Variants in MFSD6 observed in about 807,000 individuals in gnomAD.
MFSD6 encodes the protein major facilitator superfamily domain containing 6, also known as major facilitator superfamily domain-containing protein 6.
A neutral mutation model predicts 56.3 loss-of-function variants in MFSD6; 26 were observed. That is an observed-to-expected ratio of 0.46 (90% CI 0.34 to 0.64). The LOEUF (loss-of-function observed/expected upper bound fraction) is 0.64, where lower values mean the gene tolerates loss of function less well. MFSD6 is among the 30% of genes least tolerant of loss of function. The pLI, the probability that MFSD6 is intolerant of heterozygous loss-of-function variation, is 0.01. For missense variants in MFSD6, 750 were observed against 986.2 expected (o/e 0.76, Z 3.21); for synonymous variants, 331 against 366.9 (o/e 0.90, Z 1.12).
At chr2:190,421,444 A>G (rs1685609798) in intron 2 of MFSD6, among the ~76,000 whole-genome samples, 3 of 152,196 alleles carry the variant, frequency 2.0e-5, no homozygotes, top group South Asian at 4.1e-4. Flanking sequence ...TTTTATTTTT[A>G]AAGTGAGAGT....
intron 3 of MFSD6, among the ~76,000 whole-genome samples, chr2:190,460,754 C>G (rs1687286716): frequency 6.6e-6 from 1 of 152,184 alleles, no homozygotes; most frequent in Admixed American, 6.5e-5. Flanking sequence ...AATATCAAGA[C>G]ACAGAGACAG....
chr2:190,486,760 G>A (rs954900365), intron 4 of MFSD6, among the ~76,000 whole-genome samples: 1 of 152,174 alleles, frequency 6.6e-6, no homozygotes, highest in Non-Finnish European at 1.5e-5. Flanking sequence ...CGAGTTAAGA[G>A]TCTCTGATGA....
chr2:190,430,805 C>G (rs1459155961), intron 2 of MFSD6, among the ~76,000 whole-genome samples: 2 of 146,618 alleles, frequency 1.4e-5, no homozygotes, highest in Admixed American at 1.3e-4. Flanking sequence ...GGCGCCCCCC[C>G]CACCTCCCTC....
intron 3 of MFSD6, chr2:190,444,784 G>T (rs1325237710): frequency 9.3e-6 from 3 of 324,100 alleles, no homozygotes; most frequent in Non-Finnish European, 1.3e-5. Context: ...GAGTATTAGG[G>T]TGCTAAAACC....
chr2:190,474,745 C>T (rs1405427321), intron 4 of MFSD6, among the ~76,000 whole-genome samples: 4 of 152,198 alleles, frequency 2.6e-5, no homozygotes, highest in South Asian at 2.1e-4. Context: ...ATACCAAAGC[C>T]TGGCACAGAC....
At chr2:190,473,430 T>A (rs556669567) in intron 4 of MFSD6, among the ~76,000 whole-genome samples, 51 of 152,184 alleles carry the variant, frequency 3.4e-4, no homozygotes, top group Non-Finnish European at 6.6e-4. Context: ...AGGCAGGGGT[T>A]GCAATCCTGG....
Position 190,454,748 on chromosome 2 carries a change from A to G in MFSD6, c.1533-15010A>G, listed in dbSNP as rs1367022175. On this transcript the variant is annotated intron_variant, in intron 3 of 7. Transcript: ENST00000392328. This position sits in a 1 kb window ranked among gnomAD's most constrained non-coding sequence, Gnocchi z 4.6. The stretch of plus-strand genomic sequence containing the variant: ...GTCATGGCAGCCCGAGCAAATTAAT[A>G]ATGTGTCTAAATAGAGTAAGGAGAG... 6.6e-6 allele frequency among the ~76,000 whole-genome samples: 1 copy of G among 152,092 alleles called. No individual in the cohort carries two copies. Among genetic ancestry groups the G allele is most frequent in the Admixed American group, 6.5e-5 (1 of 15,268 alleles).
rs947165468 is a variant in MFSD6, at chr2:190,491,258, G to A, written c.1891+1392G>A. On this transcript the variant is annotated intron_variant, in intron 6 of 7. Coordinates refer to ENST00000392328, the MANE Select transcript of MFSD6 (RefSeq NM_017694.4). This position sits in a 1 kb window ranked among gnomAD's most constrained non-coding sequence, Gnocchi z 4.2. ...GAGACTGTTATTGGGAAAATGGCAA[G>A]ATAGGAGGCAGGATTAGGTTGCAGC... Among the ~76,000 whole-genome samples, 3 of 152,198 alleles carry A rather than the reference G, an allele frequency of 2.0e-5. No homozygotes were observed. The highest frequency in any genetic ancestry group is 7.2e-5 in the African/African-American group (3 of 41,438).
In MFSD6 at chr2:190,458,823, T is replaced by A. The variant is rs1246488952; in HGVS notation, c.1533-10935T>A. 6.6e-6 allele frequency among the ~76,000 whole-genome samples: 1 copy of A among 152,166 alleles called. No homozygotes were observed. The highest frequency in any genetic ancestry group is 1.5e-5 in the Non-Finnish European group (1 of 68,024). ...TTTAACCAGGTCTCAGATGACGCGA[T>A]CAGAACCTGCATCTCTCCCTCTATT... On this transcript the variant is annotated intron_variant, in intron 3 of 7. Coordinates refer to ENST00000392328, the MANE Select transcript of MFSD6 (RefSeq NM_017694.4). This position sits in a 1 kb window ranked among gnomAD's most constrained non-coding sequence, Gnocchi z 5.3.
rs1222777037 is a variant in MFSD6 at position 190,462,054 on chromosome 2, T to G, written c.1533-7704T>G. Among the ~76,000 whole-genome samples, 1 of 152,168 alleles carries G rather than the reference T, an allele frequency of 6.6e-6. No homozygotes were observed. The highest frequency in any genetic ancestry group is 1.5e-5 in the Non-Finnish European group (1 of 68,024). On this transcript the variant is annotated intron_variant, in intron 3 of 7. Coordinates refer to ENST00000392328, the MANE Select transcript of MFSD6 (RefSeq NM_017694.4). The surrounding 1 kb of genome is among the most constrained non-coding windows in gnomAD (Gnocchi z 5.7). ...CTCAAAATCTACAGAAATATACTCC[T>G]TAGGCGATGAAGGGCCCTATCATCG... is the stretch of plus-strand genomic sequence containing the variant.
chr2:190,459,566 CATTA>C lies in MFSD6; in HGVS notation c.1533-10189_1533-10186del, dbSNP rs1687214931. On this transcript the variant is annotated intron_variant, in intron 3 of 7. Coordinates refer to ENST00000392328, the MANE Select transcript of MFSD6 (RefSeq NM_017694.4). The surrounding 1 kb of genome is among the most constrained non-coding windows in gnomAD (Gnocchi z 5.3). ...TTGTGTCTTCTAAGTGGTTGGGTTC[CATTA>C]ATCAAGGTTCTCTTTTGTTTTAAAC... Among the ~76,000 whole-genome samples, 2 of 152,100 alleles carry C rather than the reference CATTA, an allele frequency of 1.3e-5. No individual in the cohort carries two copies. The highest frequency in any genetic ancestry group is 4.8e-5 in the African/African-American group (2 of 41,422).
At position 190,434,883 on chromosome 2, in the gene MFSD6, C is replaced by T. The variant is rs529536009; in HGVS notation, c.-53-1094C>T. The stretch of plus-strand genomic sequence containing the variant: ...TAGGAATTGGGCTGCACAGCAAGAG[C>T]GGGCCAGCAAGCATTATCACATGAG... On this transcript the variant is annotated intron_variant, in intron 2 of 7. Transcript: ENST00000392328. The surrounding 1 kb of genome is among the most constrained non-coding windows in gnomAD (Gnocchi z 4.3). Among the ~76,000 whole-genome samples the T allele has an allele frequency of 1.1e-4, 17 of 152,268 alleles. No individual in the cohort carries two copies. Among genetic ancestry groups the T allele is most frequent in the Non-Finnish European group, 2.1e-4 (14 of 68,022 alleles).
At position 190,491,521 on chromosome 2, in the gene MFSD6, G is replaced by A. The variant is rs1291937770; in HGVS notation, c.1891+1655G>A. On this transcript the variant is annotated intron_variant, in intron 6 of 7. Coordinates refer to ENST00000392328, the MANE Select transcript of MFSD6 (RefSeq NM_017694.4). This position sits in a 1 kb window ranked among gnomAD's most constrained non-coding sequence, Gnocchi z 4.2. ...CAACCCCAGTACCAGCCTGGAGCCT[G>A]GTAGCCCTGCTGGGTGGGCTAGATC... Among the ~76,000 whole-genome samples the A allele has an allele frequency of 6.6e-6, 1 of 152,174 alleles. No individual in the cohort carries two copies. Among genetic ancestry groups the A allele is most frequent in the Non-Finnish European group, 1.5e-5 (1 of 68,042 alleles).
At position 190,444,393 on chromosome 2, in the gene MFSD6, T is replaced by G. The variant is rs531598341; in HGVS notation, c.1532+6832T>G. On this transcript the variant is annotated intron_variant, in intron 3 of 7. Transcript: ENST00000392328. ...ACTTATAGGCACTGTAGAATATAGT[T>G]TAGCCACAACATCAGTTCTACTGTA... 1.7e-4 allele frequency among the ~76,000 whole-genome samples: 26 copies of G among 152,336 alleles called. No homozygotes were observed. The South Asian group carries it at 4.8e-3, about 28-fold the overall frequency.
At chr2:190,484,930 C>T (rs1688926159) in intron 4 of MFSD6, among the ~76,000 whole-genome samples, 1 of 151,920 alleles carries the variant, frequency 6.6e-6, no homozygotes, top group African/African-American at 2.4e-5. Context: ...TGTTTTTGTG[C>T]TTTACTATTT....
chr2:190,480,724 C>T (rs1345912360), intron 4 of MFSD6, among the ~76,000 whole-genome samples: 4 of 152,208 alleles, frequency 2.6e-5, no homozygotes, highest in South Asian at 4.1e-4. Context: ...GGACAAAATG[C>T]TTAATCTCTC....
Position 190,471,654 on chromosome 2 carries a change from T to G in MFSD6, c.1630+1799T>G, listed in dbSNP as rs1018461988. On this transcript the variant is annotated intron_variant, in intron 4 of 7. Transcript: ENST00000392328. The surrounding 1 kb of genome is among the most constrained non-coding windows in gnomAD (Gnocchi z 4.7). ...AGGAGGCCTGCCTGCCTCAGTAAAC[T>G]CCACCTCTGGGGGCAGAGCATAGCC... is the stretch of plus-strand genomic sequence containing the variant. 6.6e-6 allele frequency among the ~76,000 whole-genome samples: 1 copy of G among 152,120 alleles called. No individual in the cohort carries two copies. Among genetic ancestry groups the G allele is most frequent in the African/African-American group, 2.4e-5 (1 of 41,414 alleles).
In MFSD6 at chr2:190,461,992, A is replaced by C. The variant is rs1451710679; in HGVS notation, c.1533-7766A>C. On this transcript the variant is annotated intron_variant, in intron 3 of 7. Transcript: ENST00000392328. The surrounding 1 kb of genome is among the most constrained non-coding windows in gnomAD (Gnocchi z 5.5). ...CCCTACCACTTAAATCTTTATTATT[A>C]TGTGATTATTAGGAAGTACATAACT... is the stretch of plus-strand genomic sequence containing the variant. Among the ~76,000 whole-genome samples the C allele has an allele frequency of 6.6e-6, 1 of 152,126 alleles. No individual in the cohort carries two copies. Among genetic ancestry groups the C allele is most frequent in the African/African-American group, 2.4e-5 (1 of 41,428 alleles).
chr2:190,488,917 C>G lies in MFSD6; in HGVS notation c.1792+99C>G. 8.5e-7 allele frequency: 1 copy of G among 1,171,198 alleles called. No individual in the cohort carries two copies. The highest frequency in any genetic ancestry group is 1.2e-6 in the Non-Finnish European group (1 of 855,334). 72.6% of individuals were successfully genotyped at this position (1,171,198 alleles called of 1,614,324 possible). ...CAATCCAATTATTACTGAAGATTGC[C>G]CAAAGCTAAATTCCAGTATTCATAA... is the stretch of plus-strand genomic sequence containing the variant. On this transcript the variant is annotated intron_variant, in intron 5 of 7. Transcript: ENST00000392328. This position sits in a 1 kb window ranked among gnomAD's most constrained non-coding sequence, Gnocchi z 6.4.
Sources: gnomAD v4.1 joint callset for allele counts (sites outside exome capture counted in the v4.1 genomes callset) on GRCh38, gnomAD v4.1.1 for gene constraint, Gnocchi (gnomAD v3.1) non-coding constraint, MANE v1.5 for transcripts, NCBI Gene and HGNC (gene_info 2026-07-23, HGNC 2026-07-21) for gene names.